The following TRAPPC9 variants were observed in gnomAD, a reference collection of about 807,000 sequenced individuals.
The protein encoded by TRAPPC9 is IKK2 binding protein.
A neutral mutation model predicts 124.0 loss-of-function variants in TRAPPC9; 83 were observed. The ratio of observed to expected loss-of-function variants is 0.67; its 90% CI spans 0.56 to 0.80. The LOEUF is 0.80. Ranked by LOEUF, TRAPPC9 falls within the 30% of genes least tolerant of loss-of-function variation. TRAPPC9 has a pLI of 0.00. For synonymous variants in TRAPPC9, 638 were observed against 617.5 expected, an observed-to-expected ratio of 1.03 and a Z score of -0.49; for missense variants, 1,302 against 1,508.3, an observed-to-expected ratio of 0.86 and a Z score of 2.27.
chr8:140,177,597 T>C (rs11166961), intron 17 of TRAPPC9, among the ~76,000 whole-genome samples: 79,685 of 151,920 alleles, frequency 0.52, 22,921 homozygotes, highest in East Asian at 0.99. Flanking sequence ...ATACAAACTT[T>C]AGAATAAAGC....
At chr8:140,278,502 G>A (rs1186373157) in intron 14 of TRAPPC9, among the ~76,000 whole-genome samples, 1 of 152,186 alleles carries the variant, frequency 6.6e-6, no homozygotes, top group Admixed American at 6.5e-5. Context: ...AAATTAATAA[G>A]CATCTCAAAC....
intron 5 of TRAPPC9, among the ~76,000 whole-genome samples, chr8:140,419,428 C>CAAAAAAAAAAAAAAA: frequency 1.3e-5 from 1 of 79,586 alleles, no homozygotes; most frequent in African/African-American, 4.2e-5. Flanking sequence ...GACTCCGTCT[C>CAAAAAAAAAAAAAAA]AAAAAAAAAA....
intron 5 of TRAPPC9, among the ~76,000 whole-genome samples, chr8:140,419,693 G>A (rs1167766664): frequency 6.6e-6 from 1 of 151,464 alleles, no homozygotes; most frequent in Non-Finnish European, 1.5e-5. Flanking sequence ...AAACCATCCT[G>A]GCTAACACGG....
intron 17 of TRAPPC9, among the ~76,000 whole-genome samples, chr8:140,122,791 T>TGG (rs1245220840): frequency 6.6e-6 from 1 of 152,110 alleles, no homozygotes; most frequent in Non-Finnish European, 1.5e-5. Flanking sequence ...GGGAGGCAGG[T>TGG]GACTCAGCCA....
At chr8:140,375,635 A>T (rs1342023492) in intron 7 of TRAPPC9, among the ~76,000 whole-genome samples, 6 of 152,220 alleles carry the variant, frequency 3.9e-5, no homozygotes, top group African/African-American at 1.4e-4. Flanking sequence ...ACTCAATGAA[A>T]TAATGCAAAC....
At chr8:139,804,223 A>C (rs1823806211) in intron 21 of TRAPPC9, among the ~76,000 whole-genome samples, 1 of 102,716 alleles carries the variant, frequency 9.7e-6, no homozygotes, top group Admixed American at 1.2e-4. Flanking sequence ...ACCACCAAGC[A>C]CCATCACCAC....
intron 17 of TRAPPC9, among the ~76,000 whole-genome samples, chr8:140,101,532 CTTTTTTTTGTTTTTT>C (rs1262425526): frequency 2.5e-5 from 2 of 78,722 alleles, no homozygotes; most frequent in African/African-American, 1.3e-4. Context: ...GTAGGGTTTT[CTTTTTTTTGTTTTTT>C]TTTTTTTTTT....
chr8:140,130,276 C>G (rs937440999), intron 17 of TRAPPC9, among the ~76,000 whole-genome samples: 1 of 152,150 alleles, frequency 6.6e-6, no homozygotes, highest in Non-Finnish European at 1.5e-5. Context: ...TTTACAGCAC[C>G]TTCGTAGAAA....
chr8:140,005,706 T>C lies in TRAPPC9; in HGVS notation c.2700-16870A>G, dbSNP rs551360027. ...GGGTACCAAGCTCTAGAACTGGAAC[T>C]TGACCTACAGATGATGGGACTCACT... On this transcript the variant is annotated intron_variant, in intron 18 of 22. Coordinates refer to ENST00000438773, the MANE Select transcript of TRAPPC9 (RefSeq NM_001160372.4). Among the ~76,000 whole-genome samples the C allele has an allele frequency of 3.3e-5, 5 of 152,090 alleles. No homozygotes were observed. The South Asian group carries it at 1.0e-3, about 32-fold the overall frequency.
At chr8:140,221,722 T>C (rs2063342918) in intron 16 of TRAPPC9, 139 bp from the exon 17 acceptor site, 4 of 1,215,194 alleles carry the variant, frequency 3.3e-6, no homozygotes, top group Non-Finnish European at 4.6e-6. Context: ...ACTGCAACCT[T>C]TGCCTCCTGG....
In TRAPPC9 at chr8:140,144,879, CT is replaced by C. The variant is rs757097558; in HGVS notation, c.2556+76579del. Reference sequence around the variant, plus strand: ...GAAACCTGTTGAACTCTTTCTCTGTCTTTTTTTTTTCTGAGATGGAGTCTCA... The same window carrying C: ...GAAACCTGTTGAACTCTTTCTCTGTCTTTTTTTTTCTGAGATGGAGTCTCA... On this transcript the variant is annotated intron_variant, in intron 17 of 22. Transcript: ENST00000438773. Among the ~76,000 whole-genome samples the C allele has an allele frequency of 1.8e-3, 265 of 149,108 alleles. 1 individual carries two copies. Among genetic ancestry groups the C allele is most frequent in the East Asian group, 0.018 (89 of 5,038 alleles).
chr8:139,752,867 A>G (rs1230857809), intron 21 of TRAPPC9, among the ~76,000 whole-genome samples: 1 of 136,716 alleles, frequency 7.3e-6, no homozygotes, highest in African/African-American at 2.8e-5. Flanking sequence ...CACCCATCCA[A>G]CATCTACCCA....
chr8:140,111,610 G>A (rs933814185), intron 17 of TRAPPC9, among the ~76,000 whole-genome samples: 2 of 152,206 alleles, frequency 1.3e-5, no homozygotes, highest in Non-Finnish European at 2.9e-5. Context: ...ACAAACCTGA[G>A]TGCATATGCT....
chr8:140,399,390 T>G (rs1044534911), intron 6 of TRAPPC9, among the ~76,000 whole-genome samples: 6 of 152,096 alleles, frequency 3.9e-5, no homozygotes, highest in African/African-American at 1.2e-4. Flanking sequence ...TGCCAGCCCA[T>G]GAAAGCAGCC....
In TRAPPC9 at chr8:139,976,182, C is replaced by T. The variant is rs140806324; in HGVS notation, c.2810+12544G>A. Among the ~76,000 whole-genome samples the T allele has an allele frequency of 8.6e-3, 1,311 of 152,148 alleles. 6 individuals carry two copies. The highest frequency in any genetic ancestry group is 0.024 in the Middle Eastern group (7 of 294). ...CTGGGATTACAGGCGTGAGCCACCG[C>T]GCCTGGCCAGGGTTTTTTTTAACAC... On this transcript the variant is annotated intron_variant, in intron 19 of 22. Transcript: ENST00000438773.
intron 17 of TRAPPC9, among the ~76,000 whole-genome samples, chr8:140,201,848 A>C (rs763048500): frequency 6.6e-6 from 1 of 152,212 alleles, no homozygotes; most frequent in Non-Finnish European, 1.5e-5. Flanking sequence ...AGCTTGGCAC[A>C]GCACACAGCA....
In TRAPPC9 at chr8:139,831,392, C is replaced by T. The variant is rs181932094; in HGVS notation, c.3055+54487G>A. Among the ~76,000 whole-genome samples the T allele has an allele frequency of 1.5e-4, 23 of 152,262 alleles. No individual in the cohort carries two copies. In the East Asian group the frequency reaches 4.0e-3, roughly 27 times the overall value. ...TGATATTTGATCCTAACAGGGGCTA[C>T]AGGAAGAGACCCACAATTTATACAC... is the stretch of plus-strand genomic sequence containing the variant. On this transcript the variant is annotated intron_variant, in intron 21 of 22. Coordinates refer to ENST00000438773, the MANE Select transcript of TRAPPC9 (RefSeq NM_001160372.4).
chr8:139,781,943 G>A (rs1390164783), intron 21 of TRAPPC9, among the ~76,000 whole-genome samples: 2 of 152,104 alleles, frequency 1.3e-5, no homozygotes, highest in Non-Finnish European at 2.9e-5. Context: ...TTAAACCTAA[G>A]TATATTAATA....
chr8:140,434,054 G>A (rs1053340416), intron 4 of TRAPPC9, among the ~76,000 whole-genome samples: 11 of 152,140 alleles, frequency 7.2e-5, no homozygotes, highest in South Asian at 4.1e-4. Context: ...GCTGCTTTCC[G>A]CAACCAATCA....
Sources: allele counts gnomAD v4.1 joint callset (sites outside exome capture counted in the v4.1 genomes callset), GRCh38; gene constraint gnomAD v4.1.1; transcripts MANE v1.5; gene names NCBI Gene and HGNC (gene_info 2026-07-23, HGNC 2026-07-21).